The following FER1L6 variants were observed in gnomAD, a reference collection of about 807,000 sequenced individuals.
FER1L6 encodes fer-1 like family member 6.
Under a neutral mutation model 219.2 loss-of-function variants are expected in FER1L6, and 177 were observed. The ratio of observed to expected loss-of-function variants is 0.81; its 90% CI spans 0.71 to 0.91. The LOEUF (loss-of-function observed/expected upper bound fraction) is 0.91, where lower values mean the gene tolerates loss of function less well. Ranked by LOEUF, FER1L6 falls within the 40% of genes least tolerant of loss-of-function variation. FER1L6 has a pLI of 0.00. For synonymous variants in FER1L6, 768 were observed against 824.3 expected (o/e 0.93, Z 1.17); for missense variants, 2,153 against 2,259.9 (o/e 0.95, Z 0.96).
intron 15 of FER1L6, among the ~76,000 whole-genome samples, chr8:124,016,528 C>G (rs1818207106): frequency 6.6e-6 from 1 of 152,146 alleles, no homozygotes; most frequent in Admixed American, 6.6e-5. Context: ...CAAACCTACT[C>G]TCCAGTGAGA....
chr8:124,026,222 G>A (rs1818701114), intron 18 of FER1L6, among the ~76,000 whole-genome samples: 1 of 152,072 alleles, frequency 6.6e-6, no homozygotes, highest in Non-Finnish European at 1.5e-5. Flanking sequence ...ATGAATAAGA[G>A]AAAAATGTGT....
rs566554055 is a variant in FER1L6 at position 123,986,796 on chromosome 8, A to G, written c.1519+620A>G. Among the ~76,000 whole-genome samples the G allele has an allele frequency of 2.8e-4, 42 of 152,210 alleles. No individual in the cohort carries two copies. In the South Asian group the frequency reaches 8.7e-3, roughly 32 times the overall value. On this transcript the variant is annotated intron_variant, in intron 12 of 40. Transcript: ENST00000522917. ...TGTCTTTCTGTGCCTGGCTCGTTTC[A>G]CTTAACATGATAACCTCCTGTTCCA...
intron 21 of FER1L6, among the ~76,000 whole-genome samples, chr8:124,048,328 T>C (rs6983060): frequency 0.83 from 126,679 of 152,290 alleles, 52,893 homozygotes; most frequent in Non-Finnish European, 0.87. Flanking sequence ...CCAGCATGCA[T>C]TGAGTATCTG....
chr8:123,992,014 T>C (rs1219943606), intron 12 of FER1L6, among the ~76,000 whole-genome samples: 1 of 152,208 alleles, frequency 6.6e-6, no homozygotes, highest in East Asian at 1.9e-4. Context: ...TTGACTTTCA[T>C]ACATTAAACC....
At chr8:123,936,999 G>T (rs568226122) in intron 1 of FER1L6, among the ~76,000 whole-genome samples, 36 of 152,274 alleles carry the variant, frequency 2.4e-4, no homozygotes, top group African/African-American at 8.4e-4. Context: ...TCCGCCTCCT[G>T]GGTTCAAGTG....
At chr8:123,920,857 C>T (rs1022375294) in intron 1 of FER1L6, among the ~76,000 whole-genome samples, 2 of 152,140 alleles carry the variant, frequency 1.3e-5, no homozygotes, top group African/African-American at 4.8e-5. Flanking sequence ...CCTCTCAGCC[C>T]CTGGCAACTA....
chr8:124,035,469 G>A lies in FER1L6; in HGVS notation c.2464+15G>A, dbSNP rs756567851. On this transcript the variant is annotated intron_variant, in intron 19 of 40. Transcript: ENST00000522917. ...GCTCTACCAAGGTAGGGTCCCCACT[G>A]GGCAAAGAGGGTCATTCGAGGTCTC... 2.5e-6 allele frequency: 4 copies of A among 1,598,712 alleles called. No individual in the cohort carries two copies. In the Admixed American group the frequency reaches 6.9e-5, roughly 28 times the overall value.
chr8:124,043,191 T>C (rs571969347), intron 20 of FER1L6, among the ~76,000 whole-genome samples: 1 of 152,164 alleles, frequency 6.6e-6, no homozygotes, highest in Non-Finnish European at 1.5e-5. Flanking sequence ...CAAGCAATTA[T>C]TGAGCACCTG....
intron 1 of FER1L6, among the ~76,000 whole-genome samples, chr8:123,870,106 A>G (rs1816900433): frequency 6.6e-6 from 1 of 152,268 alleles, no homozygotes; most frequent in Admixed American, 6.5e-5. Context: ...ATGAGATTCT[A>G]GTACACATCT....
At chr8:124,082,577 C>A (rs73330160) in intron 33 of FER1L6, 119 bp downstream of exon 33, 2 of 877,554 alleles carry the variant, frequency 2.3e-6, no homozygotes, top group African/African-American at 1.7e-5. Context: ...TCAGCTTTAA[C>A]GTCTCAAATG....
Position 123,865,932 on chromosome 8 carries a change from A to G in FER1L6, c.-8+13747A>G, listed in dbSNP as rs1816829111. Among the ~76,000 whole-genome samples the G allele has an allele frequency of 1.3e-5, 2 of 150,896 alleles. 1 individual carries two copies. Among genetic ancestry groups the G allele is most frequent in the African/African-American group, 5.0e-5 (2 of 40,366 alleles). ...TACCTCAGATGGAAATGCAGAAATCACCCGTCTTCTGCGTCGCTCACGCTG... is the reference window on the plus strand; with the variant it reads ...TACCTCAGATGGAAATGCAGAAATCGCCCGTCTTCTGCGTCGCTCACGCTG... On this transcript the variant is annotated intron_variant, in intron 1 of 40. Coordinates refer to ENST00000522917, the MANE Select transcript of FER1L6 (RefSeq NM_001039112.2).
intron 1 of FER1L6, among the ~76,000 whole-genome samples, chr8:123,894,977 C>A (rs551775967): frequency 2.6e-5 from 4 of 152,126 alleles, no homozygotes; most frequent in East Asian, 3.8e-4. Context: ...GTGAAATATT[C>A]GTTACAAATG....
intron 35 of FER1L6, among the ~76,000 whole-genome samples, 181 bp downstream of exon 35, chr8:124,095,219 T>TTG (rs1822228967): frequency 6.6e-6 from 1 of 152,192 alleles, no homozygotes; most frequent in African/African-American, 2.4e-5. Context: ...CCAAGGATGC[T>TTG]GCTAAATTAA....
chr8:123,877,766 C>CAAA (rs34492769), intron 1 of FER1L6, among the ~76,000 whole-genome samples: 30 of 126,668 alleles, frequency 2.4e-4, no homozygotes, highest in South Asian at 1.5e-3. Flanking sequence ...CCAGTCCCTG[C>CAAA]AAAAAAAAAA....
At chr8:123,855,970 CATATGTATATGAGATATAT>C (rs1816631960) in intron 1 of FER1L6, among the ~76,000 whole-genome samples, 1 of 137,656 alleles carries the variant, frequency 7.3e-6, no homozygotes, top group Admixed American at 7.4e-5. Context: ...TACAGATATA[CATATGTATATGAGATATAT>C]GTATATACAT....
Position 124,094,876 on chromosome 8 carries a change from T to G in FER1L6, c.4553-20T>G, listed in dbSNP as rs751098736. On this transcript the variant is annotated intron_variant, in intron 34 of 40. Coordinates refer to ENST00000522917, the MANE Select transcript of FER1L6 (RefSeq NM_001039112.2). ...CTTGCAGGAACACACATCTGACAAG[T>G]TTGTCTTTCTTTCCTGCAGATGAGA... 3.7e-6 allele frequency: 6 copies of G among 1,613,528 alleles called. No homozygotes were observed. The South Asian group carries it at 6.6e-5, about 18-fold the overall frequency.
At chr8:123,874,413 T>C (rs2130282645) in intron 1 of FER1L6, among the ~76,000 whole-genome samples, 1 of 152,298 alleles carries the variant, frequency 6.6e-6, no homozygotes, top group East Asian at 1.9e-4. Context: ...AACTACCTCA[T>C]AGAATTATGA....
chr8:124,032,163 G>A (rs1818996397), intron 18 of FER1L6, among the ~76,000 whole-genome samples: 1 of 152,182 alleles, frequency 6.6e-6, no homozygotes, highest in African/African-American at 2.4e-5. Context: ...GGTGGCTCAT[G>A]CCTATAATCC....
At chr8:123,890,983 A>G (rs1035554686) in intron 1 of FER1L6, among the ~76,000 whole-genome samples, 4 of 149,906 alleles carry the variant, frequency 2.7e-5, no homozygotes, top group African/African-American at 9.8e-5. Flanking sequence ...ACAAAGTTTT[A>G]ATGTTCAGGA....
Sources: allele counts gnomAD v4.1 joint callset (sites outside exome capture counted in the v4.1 genomes callset), GRCh38; gene constraint gnomAD v4.1.1; transcripts MANE v1.5; gene names NCBI Gene and HGNC (gene_info 2026-07-23, HGNC 2026-07-21).